Variants in KIFC2 observed in about 807,000 individuals in gnomAD.
KIFC2 encodes the protein kinesin family member C2.
Under a neutral mutation model 91.5 loss-of-function variants are expected in KIFC2, and 94 were observed. That is an observed-to-expected ratio of 1.03 (90% CI 0.87 to 1.22). KIFC2 has a LOEUF of 1.22. KIFC2 is among the 50% of genes most tolerant of loss of function. The pLI is 0.00. For missense variants in KIFC2, 1,357 were observed against 1,103.3 expected (o/e 1.23, Z -3.26); for synonymous variants, 729 against 503.9 (o/e 1.45, Z -5.98).
chr8:144,469,754 G>A (rs917699557), intron 12 of KIFC2, 107 bp downstream of exon 12: 61 of 1,373,156 alleles, frequency 4.4e-5, no homozygotes, highest in Admixed American at 2.4e-5. Flanking sequence ...CTGGAGGAGA[G>A]AGGGTGGCTG....
At position 144,473,800 on chromosome 8, in the gene KIFC2, C is replaced by G. The variant is rs996532017; in HGVS notation, c.*411C>G. 2.7e-5 allele frequency: 10 copies of G among 368,144 alleles called. No homozygotes were observed. In the South Asian group the frequency reaches 6.0e-4, roughly 22 times the overall value. 22.8% of individuals were successfully genotyped at this position (368,144 alleles called of 1,614,324 possible). A position where few individuals can be genotyped will look rare whatever the true frequency, so the allele number is the denominator to read the frequency against. ...AGGACCATGTAGGGTGCAGTCTTTA[C>G]TCCCTAACCCGTTTCCCGAAAAAGG... On this transcript the variant is annotated 3_prime_UTR_variant, in exon 18 of 18. Transcript: ENST00000645548.
Position 144,468,467 on chromosome 8 carries a change from G to C in KIFC2, c.888+61G>C, listed in dbSNP as rs116399019. On this transcript the variant is annotated intron_variant, in intron 8 of 17. Transcript: ENST00000645548. ...TGAGGCGGGCTGGGGTTTTGGGAGGGGCTTATCTGAGGCAGGGCCTGGTAA... is the reference window on the plus strand; with the variant it reads ...TGAGGCGGGCTGGGGTTTTGGGAGGCGCTTATCTGAGGCAGGGCCTGGTAA... The C allele has an allele frequency of 2.1e-3, 3,287 of 1,540,736 alleles. 64 individuals carry two copies. In the African/African-American group the frequency reaches 0.039, roughly 19 times the overall value.
In KIFC2 at chr8:144,473,667, TC is replaced by T; in HGVS notation, c.*281del. 1 of 485,568 alleles carries T rather than the reference TC, an allele frequency of 2.1e-6. No homozygotes were observed. Among genetic ancestry groups the T allele is most frequent in the Non-Finnish European group, 3.5e-6 (1 of 283,196 alleles). 30.1% of individuals were successfully genotyped at this position (485,568 alleles called of 1,614,324 possible). On this transcript the variant is annotated 3_prime_UTR_variant, in exon 18 of 18. Transcript: ENST00000645548. Reference sequence around the variant, plus strand: ...TGTTATCACGGCACACAGCAGGGAATCCCAGGCCCCCCCGCCAAGTGGTTAC... The same window carrying T: ...TGTTATCACGGCACACAGCAGGGAATCCAGGCCCCCCCGCCAAGTGGTTAC...
Position 144,472,155 on chromosome 8 carries a change from C to G in KIFC2, c.1503C>G (p.Pro501=). Residue 501 remains proline (P), a synonymous_variant, in exon 14 of 18, where the codon CCC becomes CCG. Transcript: ENST00000645548. ...ATCCTCAGGGCCCTCCTGAGGACCCCGGCATAGTTCCTAGGGCGCTGCAGT... is the reference window on the plus strand; with the variant it reads ...ATCCTCAGGGCCCTCCTGAGGACCCGGGCATAGTTCCTAGGGCGCTGCAGT... ...TYSMEGPPED[P]GIVPRALQSL... 1 of 1,613,258 alleles carries G rather than the reference C, an allele frequency of 6.2e-7. No homozygotes were observed. Among genetic ancestry groups the G allele is most frequent in the South Asian group, 1.1e-5 (1 of 91,080 alleles).
At position 144,473,168 on chromosome 8, in the gene KIFC2, T is replaced by C. The variant is rs1446870150; in HGVS notation, c.2155T>C (p.Cys719Arg). 3 of 1,575,500 alleles carry C rather than the reference T, an allele frequency of 1.9e-6. No homozygotes were observed. Among genetic ancestry groups the C allele is most frequent in the Middle Eastern group, 1.7e-4 (1 of 5,912 alleles). Residue 719 changes from cysteine (C) to arginine (R), a missense_variant, in exon 18 of 18, where the codon TGC becomes CGC. Transcript: ENST00000645548. Reference sequence around the variant, plus strand: ...GCCGGAGGATCTCGGGGAGACAGTCTGCTCCCTCAAGTTCGCCGACCGAGT... The same window carrying C: ...GCCGGAGGATCTCGGGGAGACAGTCCGCTCCCTCAAGTTCGCCGACCGAGT... ...TRPEDLGETV[C>R]SLKFADRVGQ...
intron 12 of KIFC2, 87 bp downstream of exon 12, chr8:144,469,734 G>A: frequency 6.8e-7 from 1 of 1,464,850 alleles, no homozygotes; most frequent in Non-Finnish European, 9.1e-7. Context: ...TTCCCAGTCT[G>A]GGTGTCCACC....
upstream of KIFC2, chr8:144,466,241 G>A (rs1195130748): frequency 2.1e-5 from 4 of 194,178 alleles, no homozygotes; most frequent in Admixed American, 1.2e-4. Context: ...CTCCAGGTGC[G>A]GCCGCGGGCA....
In KIFC2 at chr8:144,466,500, G is replaced by T; in HGVS notation, c.81G>T (p.Glu27Asp). Reference protein sequence around the residue: ...RRDGGAAAAAEPGDPAQRARK... With the variant: ...RRDGGAAAAADPGDPAQRARK... ...ATGGTGGCGCCGCGGCGGCCGCGGAGCCCGGGGACCCCGCCCAGGTGAGCG... is the reference window on the plus strand; with the variant it reads ...ATGGTGGCGCCGCGGCGGCCGCGGATCCCGGGGACCCCGCCCAGGTGAGCG... The change falls in exon 1 of 18, where the codon GAG becomes GAT. Residue 27 changes from glutamate (E) to aspartate (D), a missense_variant. By Grantham distance (45) the Glu-to-Asp change is conservative. Transcript: ENST00000645548. 2 of 1,307,694 alleles carry T rather than the reference G, an allele frequency of 1.5e-6. No individual in the cohort carries two copies. Among genetic ancestry groups the T allele is most frequent in the South Asian group, 2.0e-5 (1 of 49,628 alleles). The allele number at this position is 1,307,694 out of a possible 1,614,324, so 81.0% of individuals were successfully genotyped here.
rs1339310969 is a variant in KIFC2, at chr8:144,472,902, C to G, written c.1969C>G (p.Gln657Glu). 2.6e-6 allele frequency: 4 copies of G among 1,518,814 alleles called. No individual in the cohort carries two copies. The highest frequency in any genetic ancestry group is 1.2e-5 in the South Asian group (1 of 80,406). The allele number at this position is 1,518,814 out of a possible 1,614,324, so 94.1% of individuals were successfully genotyped here. Residue 657 changes from glutamine (Q) to glutamate (E), a missense_variant, in exon 17 of 18, where the codon CAG (glutamine) becomes GAG (glutamate). Gln to Glu is a conservative substitution (Grantham distance 29). Coordinates refer to ENST00000645548, the MANE Select transcript of KIFC2 (RefSeq NM_001369769.2). ...PDGARRLREA[Q>E]TINRSLLALG... ...CGGCGCCCGGCGCCTGCGGGAGGCCCAGACCATAAACCGCTCGCTGCTGGC... is the reference window on the plus strand; with the variant it reads ...CGGCGCCCGGCGCCTGCGGGAGGCCGAGACCATAAACCGCTCGCTGCTGGC...
intron 12 of KIFC2, among the ~76,000 whole-genome samples, chr8:144,471,702 GT>G (rs1253788767): frequency 6.6e-6 from 1 of 152,128 alleles, no homozygotes; most frequent in Non-Finnish European, 1.5e-5. Flanking sequence ...TGCATAGGCT[GT>G]TCCTCTTCTC....
intron 1 of KIFC2, 49 bp from the exon 2 acceptor site, chr8:144,466,711 A>G: frequency 1.4e-6 from 2 of 1,422,130 alleles, no homozygotes; most frequent in Non-Finnish European, 1.9e-6. Flanking sequence ...GGAAGGGGCC[A>G]GCAGGCTGCC....
rs1824841984 is a variant in KIFC2 at position 144,469,526 on chromosome 8, C to T, written c.1259C>T (p.Thr420Ile). The T allele has an allele frequency of 1.9e-6, 3 of 1,614,004 alleles. No individual in the cohort carries two copies. Among genetic ancestry groups the T allele is most frequent in the Non-Finnish European group, 2.5e-6 (3 of 1,180,018 alleles). Residue 420 changes from threonine (T) to isoleucine (I), a missense_variant, in exon 12 of 18, where the codon ACA becomes ATA. By Grantham distance (89) the Thr-to-Ile change is moderately conservative. Coordinates refer to ENST00000645548, the MANE Select transcript of KIFC2 (RefSeq NM_001369769.2). ...IRVLCRLRPG[T>I]SSSLVSVEPG... ...GTGCTGTGTCGGCTGAGGCCAGGGACATCTTCTAGCCTTGTGAGTGTGGAG... is the reference window on the plus strand; with the variant it reads ...GTGCTGTGTCGGCTGAGGCCAGGGATATCTTCTAGCCTTGTGAGTGTGGAG...
intron 2 of KIFC2, 34 bp from the exon 3 acceptor site, chr8:144,466,925 C>T (rs762573113): frequency 6.3e-7 from 1 of 1,576,154 alleles, no homozygotes; most frequent in South Asian, 1.1e-5. Context: ...GCACGTGACC[C>T]GAAATGTCTC....
At chr8:144,469,414 G>T (rs1318939037) in intron 11 of KIFC2, 35 bp downstream of exon 11, 1 of 1,612,106 alleles carries the variant, frequency 6.2e-7, no homozygotes, top group South Asian at 1.1e-5. Context: ...GGGGCAGGGA[G>T]GGCGGCTGGA....
chr8:144,473,384 CT>C lies in KIFC2; in HGVS notation c.2372del (p.Leu791ProfsTer22). ...TCTCGCGCCCGCAGAGGGCCTGCCC[CT>C]CTAGTCCTGGGTCGCGGCCCTGCCC... ...SALAPAEGLP[L>X] On this transcript the variant is annotated frameshift_variant, in exon 18 of 18. Coordinates refer to ENST00000645548, the MANE Select transcript of KIFC2 (RefSeq NM_001369769.2). LOFTEE classifies it high-confidence loss of function. The C allele has an allele frequency of 6.3e-7, 1 of 1,578,472 alleles. No homozygotes were observed. Among genetic ancestry groups the C allele is most frequent in the Admixed American group, 1.8e-5 (1 of 56,010 alleles).
At position 144,471,988 on chromosome 8, in the gene KIFC2, A is replaced by G; in HGVS notation, c.1427A>G (p.Tyr476Cys). ...GCGGTGCTGTCCTGCCTCCGAGGCT[A>G]CAGCGTCTGCATCTTCACCTATGGC... Reference protein sequence around the residue: ...EPAVLSCLRGYSVCIFTYGQT... With the variant: ...EPAVLSCLRGCSVCIFTYGQT... The change falls in exon 13 of 18, where the codon TAC becomes TGC. Residue 476 changes from tyrosine (Y) to cysteine (C), a missense_variant. By Grantham distance (194) the Tyr-to-Cys change is radical. Transcript: ENST00000645548. The G allele has an allele frequency of 1.6e-5, 26 of 1,613,506 alleles. No individual in the cohort carries two copies. Among genetic ancestry groups the G allele is most frequent in the Non-Finnish European group, 2.2e-5 (26 of 1,180,018 alleles).
intron 15 of KIFC2, 45 bp downstream of exon 15, chr8:144,472,529 T>G: frequency 6.2e-7 from 1 of 1,611,698 alleles, no homozygotes; most frequent in Non-Finnish European, 8.5e-7. Flanking sequence ...TGCTTCCACT[T>G]GGGGGCGGGG....
intron 14 of KIFC2, 31 bp from the exon 15 acceptor site, chr8:144,472,330 C>T (rs371991558): frequency 3.7e-6 from 6 of 1,613,528 alleles, no homozygotes; most frequent in South Asian, 1.1e-5. Flanking sequence ...CCAGAGAATT[C>T]TGGAACCAAG....
chr8:144,473,206 G>A lies in KIFC2; in HGVS notation c.2193G>A (p.Glu731=). The stretch of plus-strand genomic sequence containing the variant: ...TCGCCGACCGAGTGGGTCAAGTGGA[G>A]CTGGGGCCAGCCCGGCGCCGCAGGG... ...LKFADRVGQV[E]LGPARRRRVP... is the part of the protein sequence containing the mutation. The change falls in exon 18 of 18, where the codon GAG becomes GAA. Residue 731 remains glutamate, a synonymous_variant. Transcript: ENST00000645548. 6.3e-7 allele frequency: 1 copy of A among 1,587,354 alleles called. No individual in the cohort carries two copies. The highest frequency in any genetic ancestry group is 8.6e-7 in the Non-Finnish European group (1 of 1,167,818).
Sources: gnomAD v4.1 joint callset for allele counts (sites outside exome capture counted in the v4.1 genomes callset) on GRCh38, gnomAD v4.1.1 for gene constraint, MANE v1.5 for transcripts, NCBI Gene and HGNC (gene_info 2026-07-23, HGNC 2026-07-21) for gene names.